EIF2AK2: variants seen among roughly 807,000 people sequenced by gnomAD.
EIF2AK2 encodes eukaryotic translation initiation factor 2 alpha kinase 2, also known as interferon-induced, double-stranded RNA-activated protein kinase.
Under a neutral mutation model 70.5 loss-of-function variants are expected in EIF2AK2, and 40 were observed. The ratio of observed to expected loss-of-function variants is 0.57; its 90% CI spans 0.44 to 0.74. The LOEUF is 0.74. EIF2AK2 is among the 30% of genes least tolerant of loss of function. EIF2AK2 has a pLI of 0.00. For missense variants in EIF2AK2, 555 were observed against 644.3 expected (o/e 0.86, Z 1.50); for synonymous variants, 198 against 220.9 (o/e 0.90, Z 0.92).
intron 12 of EIF2AK2, among the ~76,000 whole-genome samples, chr2:37,121,926 T>A (rs1446512564): frequency 6.6e-6 from 1 of 152,198 alleles, no homozygotes; most frequent in Non-Finnish European, 1.5e-5. Flanking sequence ...CAAAGACAGA[T>A]GCCAGCTCTT....
At chr2:37,136,110 C>A (rs1675118248) in intron 9 of EIF2AK2, among the ~76,000 whole-genome samples, 1 of 152,232 alleles carries the variant, frequency 6.6e-6, no homozygotes, top group South Asian at 2.1e-4. Flanking sequence ...ACACCCTCAT[C>A]CTAGCTGTTA....
chr2:37,135,776 A>C (rs904451986), intron 9 of EIF2AK2, among the ~76,000 whole-genome samples: 1 of 152,074 alleles, frequency 6.6e-6, no homozygotes, highest in Non-Finnish European at 1.5e-5. Flanking sequence ...GATTACAGGC[A>C]TGTGCCACCA....
At chr2:37,149,219 G>C (rs1432802166) in intron 1 of EIF2AK2, 196 bp from the exon 2 acceptor site, 2 of 1,104,060 alleles carry the variant, frequency 1.8e-6, no homozygotes, top group Non-Finnish European at 2.8e-6. Context: ...GTGTGGAGCT[G>C]AATGCCACTG....
intron 1 of EIF2AK2, among the ~76,000 whole-genome samples, chr2:37,154,997 T>C (rs1415950730): frequency 6.6e-6 from 1 of 151,982 alleles, no homozygotes. Flanking sequence ...TATTCTAGCA[T>C]CACTGGGCCC....
chr2:37,147,461 C>A (rs191746508), intron 3 of EIF2AK2, among the ~76,000 whole-genome samples: 3 of 107,636 alleles, frequency 2.8e-5, no homozygotes, highest in African/African-American at 7.1e-5. Flanking sequence ...ATCCCTCCCC[C>A]CTCCCCCCAC....
At chr2:37,114,279 G>C (rs1674259405) in intron 14 of EIF2AK2, among the ~76,000 whole-genome samples, 1 of 151,894 alleles carries the variant, frequency 6.6e-6, no homozygotes, top group Non-Finnish European at 1.5e-5. Flanking sequence ...CAGCCTGGGT[G>C]ACAGAGCAAG....
chr2:37,115,875 T>G (rs1674323727), intron 13 of EIF2AK2, among the ~76,000 whole-genome samples: 1 of 152,124 alleles, frequency 6.6e-6, no homozygotes, highest in African/African-American at 2.4e-5. Flanking sequence ...AAGCAGATTT[T>G]TTTTTTTTAA....
chr2:37,110,983 G>T (rs1674122632), intron 14 of EIF2AK2, among the ~76,000 whole-genome samples: 2 of 152,172 alleles, frequency 1.3e-5, no homozygotes, highest in South Asian at 2.1e-4. Context: ...GCCTTAAAAA[G>T]AAATTCTGAC....
chr2:37,118,639 T>G (rs1674429717), intron 13 of EIF2AK2, among the ~76,000 whole-genome samples: 1 of 152,246 alleles, frequency 6.6e-6, no homozygotes, highest in Non-Finnish European at 1.5e-5. Flanking sequence ...TCTACATTTA[T>G]CCTTTTGAAA....
Position 37,126,147 on chromosome 2 carries a change from C to T in EIF2AK2, c.908+142G>A. The T allele has an allele frequency of 2.6e-6, 3 of 1,137,230 alleles. No homozygotes were observed. In the East Asian group the frequency reaches 8.1e-5, roughly 31 times the overall value. 70.4% of individuals were successfully genotyped at this position (1,137,230 alleles called of 1,614,324 possible). A position where few individuals can be genotyped will look rare whatever the true frequency, so the allele number is the denominator to read the frequency against. ...TGAGATCATCTCGGAGTAAGCCAAA[C>T]TCCTCTTGGTAGAATGAAATGTTTA... On this transcript the variant is annotated intron_variant, in intron 11 of 16. Coordinates refer to ENST00000233057, the MANE Select transcript of EIF2AK2 (RefSeq NM_001135651.3).
chr2:37,127,979 T>C (rs1407146060), intron 10 of EIF2AK2, among the ~76,000 whole-genome samples: 1 of 152,146 alleles, frequency 6.6e-6, no homozygotes, highest in African/African-American at 2.4e-5. Context: ...TGACCTCAAG[T>C]GATCCATCCG....
At chr2:37,146,668 G>A (rs564588261) in intron 4 of EIF2AK2, among the ~76,000 whole-genome samples, 185 bp downstream of exon 4, 4 of 152,266 alleles carry the variant, frequency 2.6e-5, no homozygotes, top group South Asian at 2.1e-4. Flanking sequence ...TGCCCATGGT[G>A]TCCTAGGTGT....
At chr2:37,115,214 GTTTT>G (rs747138117) in intron 13 of EIF2AK2, 146 of 108,958 alleles carry the variant, frequency 1.3e-3, no homozygotes, top group South Asian at 2.1e-3. Flanking sequence ...TGCCCGGCTA[GTTTT>G]TTTTTTTTTT....
At chr2:37,151,203 G>A (rs2148716898) in intron 1 of EIF2AK2, among the ~76,000 whole-genome samples, 1 of 152,070 alleles carries the variant, frequency 6.6e-6, no homozygotes, top group Admixed American at 6.6e-5. Flanking sequence ...ATCTGATGAG[G>A]GTCTAGTAAC....
intron 10 of EIF2AK2, among the ~76,000 whole-genome samples, chr2:37,132,130 T>C (rs891276569): frequency 3.9e-5 from 6 of 152,192 alleles, no homozygotes; most frequent in African/African-American, 1.4e-4. Flanking sequence ...GGCTGACTAT[T>C]GGGCAAAACA....
At chr2:37,114,076 A>C (rs975320773) in intron 14 of EIF2AK2, among the ~76,000 whole-genome samples, 5 of 152,190 alleles carry the variant, frequency 3.3e-5, no homozygotes, top group Admixed American at 6.5e-5. Context: ...AGTTAAATAC[A>C]ACCTGGGAAA....
chr2:37,147,449 C>A (rs1414169889), intron 3 of EIF2AK2, among the ~76,000 whole-genome samples: 2 of 143,580 alleles, frequency 1.4e-5, no homozygotes, highest in African/African-American at 5.2e-5. Context: ...TCTCCTAATG[C>A]TATCCCTCCC....
At chr2:37,113,888 G>A (rs1674245415) in intron 14 of EIF2AK2, among the ~76,000 whole-genome samples, 1 of 152,090 alleles carries the variant, frequency 6.6e-6, no homozygotes, top group Non-Finnish European at 1.5e-5. Flanking sequence ...TTTTTAGAAT[G>A]ACAATTAAAC....
In EIF2AK2 at chr2:37,141,670, T is replaced by C. The variant is rs764591808; in HGVS notation, c.272A>G (p.Asn91Ser). The change falls in exon 5 of 17, where the codon AAT becomes AGT. Residue 91 changes from asparagine to serine, a missense_variant. Transcript: ENST00000233057. ...AVSPLLLTTT[N>S]SSEGLSMGNY... is the part of the protein sequence containing the mutation. ...CCCCATGGATAATCCTTCTGAAGAA[T>C]TCGTTGTTGTCAATAATAAAGGACT... is the stretch of plus-strand genomic sequence containing the variant. The C allele has an allele frequency of 1.9e-6, 3 of 1,613,408 alleles. No individual in the cohort carries two copies. The highest frequency in any genetic ancestry group is 3.3e-5 in the Admixed American group (2 of 59,870).
Sources: allele counts gnomAD v4.1 joint callset (sites outside exome capture counted in the v4.1 genomes callset), GRCh38; gene constraint gnomAD v4.1.1; transcripts MANE v1.5; gene names NCBI Gene and HGNC (gene_info 2026-07-23, HGNC 2026-07-21).